Variants in NRXN3 observed in about 807,000 individuals in gnomAD.
NRXN3 encodes neurexin 3, also known as neurexin III.
Under a neutral mutation model 137.6 loss-of-function variants are expected in NRXN3, and 32 were observed. The observed-to-expected ratio is 0.23, with a 90% CI of 0.18 to 0.31. The LOEUF (loss-of-function observed/expected upper bound fraction) is 0.31, where lower values mean the gene tolerates loss of function less well. Among genes scored for constraint, NRXN3 ranks in the 10% least tolerant of loss-of-function variants. The pLI, the probability that NRXN3 is intolerant of heterozygous loss-of-function variation, is 1.00. For synonymous variants in NRXN3, 798 were observed against 784.5 expected (o/e 1.02, Z -0.29); for missense variants, 1,574 against 2,062.5 (o/e 0.76, Z 4.59).
At chr14:79,859,985 A>G (rs992581258) in intron 20 of NRXN3, among the ~76,000 whole-genome samples, 4 of 152,218 alleles carry the variant, frequency 2.6e-5, no homozygotes, top group Admixed American at 6.5e-5. Flanking sequence ...AAGAGAGATC[A>G]GTTATCCTGC....
intron 4 of NRXN3, among the ~76,000 whole-genome samples, chr14:78,362,587 G>C (rs1457928113): frequency 6.6e-6 from 1 of 152,164 alleles, no homozygotes; most frequent in Admixed American, 6.5e-5. Flanking sequence ...ATTTTGAGTT[G>C]TATAGTCATG....
intron 16 of NRXN3, among the ~76,000 whole-genome samples, chr14:79,467,736 G>A (rs573947867): frequency 1.5e-4 from 23 of 151,530 alleles, no homozygotes; most frequent in Non-Finnish European, 2.1e-4. Flanking sequence ...CCTGGTGCAA[G>A]CAGCAAAGCC....
intron 6 of NRXN3, among the ~76,000 whole-genome samples, chr14:78,655,168 T>C (rs1395635542): frequency 6.6e-6 from 1 of 152,188 alleles, no homozygotes; most frequent in Admixed American, 6.5e-5. Context: ...ATAAGACCAC[T>C]GATCTTACTC....
rs544522683 is a variant in NRXN3 at position 79,202,226 on chromosome 14, G to A, written c.3262+214085G>A. Among the ~76,000 whole-genome samples the A allele has an allele frequency of 2.6e-3, 393 of 152,076 alleles. 3 individuals carry two copies. The highest frequency in any genetic ancestry group is 9.0e-3 in the African/African-American group (374 of 41,496). ...CTCAGTTTTATACATTTCCTTGGGG[G>A]AAAAATGTGTGTAGGAAGAGTTGGG... On this transcript the variant is annotated intron_variant, in intron 15 of 20. Coordinates refer to ENST00000335750, the MANE Select transcript of NRXN3 (RefSeq NM_001330195.2).
chr14:78,815,772 T>C (rs1191309294), intron 10 of NRXN3, among the ~76,000 whole-genome samples: 1 of 152,176 alleles, frequency 6.6e-6, no homozygotes, highest in East Asian at 1.9e-4. Context: ...ACTCAGAAAC[T>C]CTTGCCTCAG....
chr14:78,430,654 C>G (rs1399491132), intron 4 of NRXN3, among the ~76,000 whole-genome samples: 1 of 152,182 alleles, frequency 6.6e-6, no homozygotes, highest in Non-Finnish European at 1.5e-5. Context: ...CCAGCTCAGC[C>G]CATGTGCATC....
chr14:79,217,140 A>AG, intron 15 of NRXN3, among the ~76,000 whole-genome samples: 1 of 132,812 alleles, frequency 7.5e-6, no homozygotes, highest in African/African-American at 2.8e-5. Context: ...CTGTCTCAAA[A>AG]AAAAGAAAGA....
chr14:79,242,568 A>C (rs887035849), intron 15 of NRXN3, among the ~76,000 whole-genome samples: 2 of 152,092 alleles, frequency 1.3e-5, no homozygotes, highest in African/African-American at 4.8e-5. Context: ...GAGGGTTGTT[A>C]CCTCCAGCGA....
At chr14:78,946,254 A>G (rs2099364952) in intron 10 of NRXN3, among the ~76,000 whole-genome samples, 1 of 152,216 alleles carries the variant, frequency 6.6e-6, no homozygotes, top group Admixed American at 6.5e-5. Context: ...CTTCCAAGGA[A>G]AGTGCTATTT....
Position 78,663,954 on chromosome 14 carries a change from C to T in NRXN3, c.1221+12628C>T, listed in dbSNP as rs140581009. Among the ~76,000 whole-genome samples the T allele has an allele frequency of 5.0e-4, 76 of 152,276 alleles. 1 individual carries two copies. In the East Asian group the frequency reaches 7.7e-3, roughly 15 times the overall value. On this transcript the variant is annotated intron_variant, in intron 6 of 20. Transcript: ENST00000335750. ...AAAAATTGTTTTGCAAATGCAGAAACGACTATTCCATTAGTGTTGCGGTGC... is the reference window on the plus strand; with the variant it reads ...AAAAATTGTTTTGCAAATGCAGAAATGACTATTCCATTAGTGTTGCGGTGC...
chr14:78,893,167 A>G (rs183902601), intron 10 of NRXN3, among the ~76,000 whole-genome samples: 3 of 151,958 alleles, frequency 2.0e-5, no homozygotes, highest in Non-Finnish European at 4.4e-5. Flanking sequence ...GTATATTTCA[A>G]TCTATCCACA....
intron 3 of NRXN3, among the ~76,000 whole-genome samples, chr14:78,292,278 A>C (rs2075879110): frequency 6.6e-6 from 1 of 152,238 alleles, no homozygotes; most frequent in Non-Finnish European, 1.5e-5. Context: ...GGATTTTCCC[A>C]AAGGGTGTAA....
intron 15 of NRXN3, among the ~76,000 whole-genome samples, chr14:79,224,460 T>A (rs542434316): frequency 6.6e-6 from 1 of 152,288 alleles, no homozygotes; most frequent in South Asian, 2.1e-4. Flanking sequence ...ACATATGATA[T>A]TCTACATATT....
At chr14:79,688,270 G>A (rs1258026579) in intron 17 of NRXN3, among the ~76,000 whole-genome samples, 1 of 152,028 alleles carries the variant, frequency 6.6e-6, no homozygotes, top group African/African-American at 2.4e-5. Flanking sequence ...GGAAACTGAG[G>A]CCAAGTGACT....
chr14:79,783,074 A>G (rs766545701), intron 19 of NRXN3, among the ~76,000 whole-genome samples: 28 of 152,208 alleles, frequency 1.8e-4, no homozygotes, highest in Non-Finnish European at 2.6e-4. Flanking sequence ...ACCACTGCCT[A>G]TCTTTCAGAA....
intron 10 of NRXN3, among the ~76,000 whole-genome samples, chr14:78,829,713 T>A (rs536642125): frequency 6.6e-6 from 1 of 152,268 alleles, no homozygotes; most frequent in African/African-American, 2.4e-5. Context: ...TTATTTTAAA[T>A]CCTTTGTTGC....
intron 16 of NRXN3, among the ~76,000 whole-genome samples, chr14:79,561,591 A>G (rs2097498291): frequency 6.6e-6 from 1 of 152,032 alleles, no homozygotes; most frequent in African/African-American, 2.4e-5. Context: ...AGTTATACAC[A>G]TTACTGTTAT....
intron 15 of NRXN3, among the ~76,000 whole-genome samples, chr14:79,061,963 T>C (rs1305807719): frequency 1.3e-5 from 2 of 152,194 alleles, no homozygotes; most frequent in Admixed American, 1.3e-4. Flanking sequence ...GTTTTCTCTG[T>C]CTGGAGGTGA....
At chr14:78,718,535 G>A (rs771104161) in intron 8 of NRXN3, among the ~76,000 whole-genome samples, 6 of 152,120 alleles carry the variant, frequency 3.9e-5, no homozygotes, top group Non-Finnish European at 8.8e-5. Flanking sequence ...AATAAGGCCT[G>A]GGAAGTAGAA....
Sources: gnomAD v4.1 joint callset for allele counts (sites outside exome capture counted in the v4.1 genomes callset) on GRCh38, gnomAD v4.1.1 for gene constraint, MANE v1.5 for transcripts, NCBI Gene and HGNC (gene_info 2026-07-23, HGNC 2026-07-21) for gene names.